Variants in DOK6 observed in about 807,000 individuals in gnomAD.
DOK6 encodes the protein downstream of tyrosine kinase 6.
A neutral mutation model predicts 44.0 loss-of-function variants in DOK6; 22 were observed. That is an observed-to-expected ratio of 0.50 (90% CI 0.36 to 0.71). DOK6 has a LOEUF of 0.71. Among genes scored for constraint, DOK6 ranks in the 30% least tolerant of loss-of-function variants. The pLI is 0.00. For synonymous variants in DOK6, 166 were observed against 145.5 expected (o/e 1.14, Z -1.01); for missense variants, 340 against 416.4 (o/e 0.82, Z 1.60).
intron 7 of DOK6, among the ~76,000 whole-genome samples, chr18:69,759,655 A>G (rs4891374): frequency 0.7 from 106,674 of 152,120 alleles, 39,428 homozygotes; most frequent in East Asian, 0.84. Context: ...ATAAAAATTA[A>G]AATGCACTGG....
intron 1 of DOK6, among the ~76,000 whole-genome samples, chr18:69,445,799 T>G (rs1979269351): frequency 1.3e-5 from 2 of 152,134 alleles, no homozygotes; most frequent in African/African-American, 4.8e-5. Context: ...CACGGGAGGA[T>G]CACTTGAGCC....
At chr18:69,620,614 C>T (rs1009626197) in intron 3 of DOK6, among the ~76,000 whole-genome samples, 1 of 152,116 alleles carries the variant, frequency 6.6e-6, no homozygotes, top group African/African-American at 2.4e-5. Context: ...CATAGCAATC[C>T]CACCTCATGG....
chr18:69,502,732 C>G (rs528261601), intron 1 of DOK6, among the ~76,000 whole-genome samples: 30 of 152,086 alleles, frequency 2.0e-4, no homozygotes, highest in African/African-American at 7.0e-4. Context: ...TGTGCTTGAC[C>G]TCGAGATGCC....
intron 5 of DOK6, among the ~76,000 whole-genome samples, chr18:69,706,315 G>C (rs1986632071): frequency 6.6e-6 from 1 of 152,020 alleles, no homozygotes; most frequent in Admixed American, 6.6e-5. Flanking sequence ...AGGCATTTTA[G>C]GGTCTTAAAG....
At chr18:69,787,419 A>T (rs555009642) in intron 7 of DOK6, among the ~76,000 whole-genome samples, 1 of 152,328 alleles carries the variant, frequency 6.6e-6, no homozygotes, top group South Asian at 2.1e-4. Flanking sequence ...GTCCATTCAG[A>T]TTCTCACCTT....
chr18:69,627,279 T>C (rs1020202886), intron 3 of DOK6, among the ~76,000 whole-genome samples: 4 of 152,046 alleles, frequency 2.6e-5, no homozygotes, highest in African/African-American at 4.8e-5. Context: ...AGAGTGCTGA[T>C]TGAGTGGCAG....
intron 3 of DOK6, among the ~76,000 whole-genome samples, chr18:69,656,460 A>T (rs1056644951): frequency 2.0e-5 from 3 of 152,076 alleles, no homozygotes; most frequent in African/African-American, 7.2e-5. Flanking sequence ...AGAGTAAATT[A>T]CTCCACCTCT....
chr18:69,664,099 G>T (rs560119677), intron 3 of DOK6, among the ~76,000 whole-genome samples: 2 of 152,254 alleles, frequency 1.3e-5, no homozygotes, highest in African/African-American at 4.8e-5. Flanking sequence ...AATTTTAAAT[G>T]TACTAATGCA....
At chr18:69,646,616 G>A (rs1254213691) in intron 3 of DOK6, among the ~76,000 whole-genome samples, 3 of 152,138 alleles carry the variant, frequency 2.0e-5, no homozygotes, top group African/African-American at 2.4e-5. Flanking sequence ...GAGAAGGGCT[G>A]GTAGCTAAAC....
intron 3 of DOK6, among the ~76,000 whole-genome samples, chr18:69,608,775 C>T (rs551366225): frequency 3.9e-5 from 6 of 152,014 alleles, no homozygotes; most frequent in Non-Finnish European, 5.9e-5. Flanking sequence ...CATGGTGAAA[C>T]CCCGTCTCTA....
At chr18:69,439,905 T>G (rs1031177443) in intron 1 of DOK6, among the ~76,000 whole-genome samples, 1 of 152,230 alleles carries the variant, frequency 6.6e-6, no homozygotes, top group African/African-American at 2.4e-5. Context: ...GATAACTGTT[T>G]GGCACAAGAG....
intron 4 of DOK6, among the ~76,000 whole-genome samples, chr18:69,680,928 C>T: frequency 6.6e-6 from 1 of 152,172 alleles, no homozygotes; most frequent in South Asian, 2.1e-4. Flanking sequence ...TGTCATTTCA[C>T]TGACTCTCAA....
chr18:69,795,280 A>C lies in DOK6; in HGVS notation c.856+37407A>C, dbSNP rs138254827. On this transcript the variant is annotated intron_variant, in intron 7 of 7. Transcript: ENST00000382713. The stretch of plus-strand genomic sequence containing the variant: ...TCTCTGAGCTGTACAGTTCTCATAC[A>C]AGATAGACACCAGACGATGGCAAAG... Among the ~76,000 whole-genome samples the C allele has an allele frequency of 6.5e-3, 995 of 152,240 alleles. 5 individuals carry two copies. The highest frequency in any genetic ancestry group is 9.4e-3 in the Non-Finnish European group (641 of 68,018).
At chr18:69,450,941 A>C (rs1352993132) in intron 1 of DOK6, among the ~76,000 whole-genome samples, 1 of 150,126 alleles carries the variant, frequency 6.7e-6, no homozygotes, top group Non-Finnish European at 1.5e-5. Flanking sequence ...AACCGGTACC[A>C]GCCGCTGCAA....
chr18:69,730,098 A>G (rs1203908482), intron 5 of DOK6, among the ~76,000 whole-genome samples: 2 of 152,220 alleles, frequency 1.3e-5, no homozygotes, highest in Non-Finnish European at 2.9e-5. Context: ...GTAAAAAGCT[A>G]AAACAACTGG....
In DOK6 at chr18:69,540,165, G is replaced by C. The variant is rs141067446; in HGVS notation, c.67-24322G>C. ...ACATGTGGGGATTATGGGGATTACA[G>C]TTCAAGATGAGATTTGGGTGGGAAC... On this transcript the variant is annotated intron_variant, in intron 1 of 7. Coordinates refer to ENST00000382713, the MANE Select transcript of DOK6 (RefSeq NM_152721.6). 4.7e-4 allele frequency among the ~76,000 whole-genome samples: 71 copies of C among 152,286 alleles called. No homozygotes were observed. In the East Asian group the frequency reaches 0.011, roughly 23 times the overall value.
chr18:69,717,510 T>A lies in DOK6; in HGVS notation c.599+18917T>A, dbSNP rs970455771. Among the ~76,000 whole-genome samples the A allele has an allele frequency of 2.6e-5, 4 of 152,202 alleles. 1 individual carries two copies. The highest frequency in any genetic ancestry group is 9.6e-5 in the African/African-American group (4 of 41,456). On this transcript the variant is annotated intron_variant, in intron 5 of 7. Coordinates refer to ENST00000382713, the MANE Select transcript of DOK6 (RefSeq NM_152721.6). Reference sequence around the variant, plus strand: ...TCAATAGATAAGGACATCATTTTCTTTGAAAATATAGTTTGTGACTCTGTT... The same window carrying A: ...TCAATAGATAAGGACATCATTTTCTATGAAAATATAGTTTGTGACTCTGTT...
intron 1 of DOK6, among the ~76,000 whole-genome samples, chr18:69,430,595 G>T (rs1437385193): frequency 6.6e-6 from 1 of 152,024 alleles, no homozygotes; most frequent in Non-Finnish European, 1.5e-5. Context: ...TCCCTAATTG[G>T]AATACATACA....
chr18:69,830,275 A>G (rs138669509), intron 7 of DOK6, among the ~76,000 whole-genome samples: 1 of 152,304 alleles, frequency 6.6e-6, no homozygotes, highest in African/African-American at 2.4e-5. Flanking sequence ...CTTGTTATAG[A>G]CTGACTTTAT....
Sources: allele counts gnomAD v4.1 joint callset (sites outside exome capture counted in the v4.1 genomes callset), GRCh38; gene constraint gnomAD v4.1.1; transcripts MANE v1.5; gene names NCBI Gene and HGNC (gene_info 2026-07-23, HGNC 2026-07-21).